PIP5K1B: variants seen among roughly 807,000 people sequenced by gnomAD.
The protein encoded by PIP5K1B is phosphatidylinositol 4-phosphate 5-kinase type-1 beta.
Under a neutral mutation model 67.0 loss-of-function variants are expected in PIP5K1B, and 42 were observed. The ratio of observed to expected loss-of-function variants is 0.63; its 90% CI spans 0.49 to 0.81. PIP5K1B has a LOEUF of 0.81. PIP5K1B is among the 30% of genes least tolerant of loss of function. The pLI is 0.00. For synonymous variants in PIP5K1B, 214 were observed against 231.4 expected (o/e 0.92, Z 0.68); for missense variants, 459 against 646.3 (o/e 0.71, Z 3.14).
At chr9:68,924,513 G>C (rs1826583778) in intron 12 of PIP5K1B, among the ~76,000 whole-genome samples, 1 of 151,530 alleles carries the variant, frequency 6.6e-6, no homozygotes, top group African/African-American at 2.4e-5. Context: ...AAAGCTAACA[G>C]TGCTTATTCC....
At chr9:68,731,122 A>G (rs962638438) in intron 1 of PIP5K1B, among the ~76,000 whole-genome samples, 1 of 152,220 alleles carries the variant, frequency 6.6e-6, no homozygotes, top group Non-Finnish European at 1.5e-5. Context: ...TTCAAGGGTC[A>G]TGTGTTATGG....
intron 14 of PIP5K1B, among the ~76,000 whole-genome samples, chr9:68,966,884 G>A (rs1224354146): frequency 6.6e-6 from 1 of 152,160 alleles, no homozygotes; most frequent in Non-Finnish European, 1.5e-5. Context: ...TACTTGAAAT[G>A]ATGGGAAACT....
chr9:68,832,651 T>C (rs150017248), intron 4 of PIP5K1B, among the ~76,000 whole-genome samples: 66 of 152,314 alleles, frequency 4.3e-4, no homozygotes, highest in Middle Eastern at 6.8e-3. Flanking sequence ...TTCTCAGTCC[T>C]CTATCTGTTC....
chr9:68,739,766 T>G (rs1229971024), intron 1 of PIP5K1B: 1 of 152,258 alleles, frequency 6.6e-6, no homozygotes. Flanking sequence ...TATGCATGCT[T>G]GAGGCTTTGC....
intron 4 of PIP5K1B, among the ~76,000 whole-genome samples, chr9:68,833,566 C>G (rs2132119382): frequency 6.6e-6 from 1 of 151,982 alleles, no homozygotes; most frequent in South Asian, 2.1e-4. Context: ...ACACTGCCCC[C>G]CCACCCCCCG....
chr9:68,764,038 G>A, intron 2 of PIP5K1B, among the ~76,000 whole-genome samples: 1 of 140,314 alleles, frequency 7.1e-6, no homozygotes, highest in South Asian at 2.3e-4. Flanking sequence ...TCCTTTTACA[G>A]ATATCCCTTT....
chr9:68,771,685 T>A (rs962438623), intron 2 of PIP5K1B, among the ~76,000 whole-genome samples: 1 of 152,200 alleles, frequency 6.6e-6, no homozygotes, highest in African/African-American at 2.4e-5. Flanking sequence ...GTGATAATGA[T>A]AATGATAAGA....
At chr9:68,949,428 C>T (rs188947913) in intron 14 of PIP5K1B, among the ~76,000 whole-genome samples, 155 of 152,328 alleles carry the variant, frequency 1.0e-3, no homozygotes, top group African/African-American at 3.6e-3. Flanking sequence ...TCTCCCCTCT[C>T]TGTTCTTTCT....
chr9:68,937,789 ACT>A (rs1302197835), intron 13 of PIP5K1B, among the ~76,000 whole-genome samples: 3 of 151,914 alleles, frequency 2.0e-5, no homozygotes, highest in Non-Finnish European at 4.4e-5. Context: ...TGTCCCAGAG[ACT>A]CTGGTACGTT....
In PIP5K1B at chr9:68,991,329, A is replaced by T. The variant is rs1046263595; in HGVS notation, c.1620+72A>T. On this transcript the variant is annotated intron_variant, in intron 15 of 15. Transcript: ENST00000265382. ...GGATCCAGGCCATGGCTTACACAAG[A>T]ACAAGTTCAATAAAACCAGGCATGC... The T allele has an allele frequency of 4.9e-6, 4 of 816,390 alleles. No homozygotes were observed. In the African/African-American group the frequency reaches 5.1e-5, roughly 10 times the overall value. The allele number at this position is 816,390 out of a possible 1,614,324, so 50.6% of individuals were successfully genotyped here.
intron 6 of PIP5K1B, among the ~76,000 whole-genome samples, chr9:68,885,911 G>A (rs950143454): frequency 3.3e-5 from 5 of 152,218 alleles, no homozygotes; most frequent in African/African-American, 1.2e-4. Context: ...GCCAGGTGCG[G>A]TGGCTCACGC....
chr9:68,914,809 T>G (rs1173354020), intron 8 of PIP5K1B, among the ~76,000 whole-genome samples: 1 of 152,192 alleles, frequency 6.6e-6, no homozygotes, highest in Non-Finnish European at 1.5e-5. Flanking sequence ...CCCCTTGGTA[T>G]CCACAAACCC....
intron 13 of PIP5K1B, among the ~76,000 whole-genome samples, chr9:68,935,325 A>G (rs139793933): frequency 0.035 from 5,386 of 152,100 alleles, 146 homozygotes; most frequent in African/African-American, 0.079. Flanking sequence ...AAAATTAGTC[A>G]GGCGTGATAG....
chr9:68,919,722 A>C lies in PIP5K1B; in HGVS notation c.1109A>C (p.Tyr370Ser). Residue 370 changes from tyrosine (Y) to serine (S), a missense_variant, in exon 11 of 16, where the codon TAT becomes TCT. Transcript: ENST00000265382. ...KLEHSWKALV[Y>S]DGDTVSVHRP... ...GAACATTCCTGGAAAGCTCTTGTTTATGATGGGGTAAGTGACTTATTTTCC... is the reference window on the plus strand; with the variant it reads ...GAACATTCCTGGAAAGCTCTTGTTTCTGATGGGGTAAGTGACTTATTTTCC... The C allele has an allele frequency of 6.5e-7, 1 of 1,541,040 alleles. No individual in the cohort carries two copies. Among genetic ancestry groups the C allele is most frequent in the Non-Finnish European group, 9.0e-7 (1 of 1,115,030 alleles).
rs1829977134 is a variant in PIP5K1B at position 68,983,515 on chromosome 9, A to T, written c.1503-7625A>T. Reference sequence around the variant, plus strand: ...AACATAATACATATTTTAAATACTTATCTCATTGTCTGTCTTCTTTAATAC... The same window carrying T: ...AACATAATACATATTTTAAATACTTTTCTCATTGTCTGTCTTCTTTAATAC... On this transcript the variant is annotated intron_variant, in intron 14 of 15. Coordinates refer to ENST00000265382, the MANE Select transcript of PIP5K1B (RefSeq NM_003558.4). Among the ~76,000 whole-genome samples the T allele has an allele frequency of 3.3e-5, 5 of 150,654 alleles. No homozygotes were observed. In the South Asian group the frequency reaches 1.1e-3, roughly 32 times the overall value.
At chr9:68,800,545 A>C (rs1365749386) in intron 2 of PIP5K1B, among the ~76,000 whole-genome samples, 1 of 152,140 alleles carries the variant, frequency 6.6e-6, no homozygotes, top group Non-Finnish European at 1.5e-5. Context: ...ATCCATGGAT[A>C]GCATCTATGT....
chr9:68,764,126 G>T, intron 2 of PIP5K1B, among the ~76,000 whole-genome samples: 1 of 99,990 alleles, frequency 1.0e-5, no homozygotes, highest in African/African-American at 4.0e-5. Flanking sequence ...GTTTCAGCAT[G>T]CTTTCAGGAG....
rs150384320 is a variant in PIP5K1B, at chr9:68,721,302, A to C, written c.-243+15540A>C. ...TGGAGATAGGGAGACTAATCACAGA[A>C]GAGATGAAAAGGACCTGAAGTAATG... On this transcript the variant is annotated intron_variant, in intron 1 of 15. Transcript: ENST00000265382. 6.3e-3 allele frequency among the ~76,000 whole-genome samples: 964 copies of C among 152,308 alleles called. 10 individuals carry two copies. Among genetic ancestry groups the C allele is most frequent in the African/African-American group, 0.022 (926 of 41,568 alleles).
intron 5 of PIP5K1B, among the ~76,000 whole-genome samples, chr9:68,870,482 A>G (rs1823578212): frequency 1.3e-5 from 2 of 152,246 alleles, no homozygotes; most frequent in African/African-American, 4.8e-5. Context: ...GGCAAAAAAG[A>G]GGACCAATTT....
Sources: gnomAD v4.1 joint callset for allele counts (sites outside exome capture counted in the v4.1 genomes callset) on GRCh38, gnomAD v4.1.1 for gene constraint, MANE v1.5 for transcripts, NCBI Gene and HGNC (gene_info 2026-07-23, HGNC 2026-07-21) for gene names.